Variants in MPP7 observed in about 807,000 individuals in gnomAD.
MPP7 encodes the protein MAGUK p55 scaffold protein 7, also known as MAGUK p55 subfamily member 7.
MPP7 carries 60 observed loss-of-function variants against 76.5 expected under a neutral mutation model. The observed-to-expected ratio is 0.78, with a 90% CI of 0.64 to 0.97. MPP7 has a LOEUF of 0.97. Among genes scored for constraint, MPP7 ranks in the 50% least tolerant of loss-of-function variants. The pLI, the probability that MPP7 is intolerant of heterozygous loss-of-function variation, is 0.00. For missense variants in MPP7, 641 were observed against 694.0 expected, an observed-to-expected ratio of 0.92 and a Z score of 0.86; for synonymous variants, 237 against 244.5, an observed-to-expected ratio of 0.97 and a Z score of 0.29.
chr10:28,272,137 CAT>C (rs796549114), intron 1 of MPP7, among the ~76,000 whole-genome samples: 9 of 152,208 alleles, frequency 5.9e-5, no homozygotes, highest in African/African-American at 1.9e-4. Flanking sequence ...CATTCTAGTC[CAT>C]ATAGTTTGAC....
At chr10:28,281,523 A>G (rs1260611799) in intron 1 of MPP7, among the ~76,000 whole-genome samples, 3 of 152,154 alleles carry the variant, frequency 2.0e-5, no homozygotes, top group African/African-American at 7.3e-5. Flanking sequence ...AGATTCTATG[A>G]GTAGGAAGAG....
rs182870224 is a variant in MPP7, at chr10:28,057,939, C to G, written c.1407+556G>C. 2.7e-4 allele frequency: 290 copies of G among 1,093,036 alleles called. No individual in the cohort carries two copies. The African/African-American group carries it at 4.4e-3, about 17-fold the overall frequency. 67.7% of individuals were successfully genotyped at this position (1,093,036 alleles called of 1,614,324 possible). A position where few individuals can be genotyped will look rare whatever the true frequency, so the allele number is the denominator to read the frequency against. ...TTGAATGGCCTCATCCACTGAAGTTCTCAGTTCAGAATGTTCATAATGGAG... is the reference window on the plus strand; with the variant it reads ...TTGAATGGCCTCATCCACTGAAGTTGTCAGTTCAGAATGTTCATAATGGAG... On this transcript the variant is annotated intron_variant, in intron 15 of 16. Coordinates refer to ENST00000683449, the MANE Select transcript of MPP7 (RefSeq NM_001318170.2).
intron 1 of MPP7, chr10:28,280,186 G>C (rs1264979906): frequency 1.3e-5 from 2 of 152,062 alleles, no homozygotes; most frequent in African/African-American, 4.8e-5. Context: ...ACCTGCTCTA[G>C]ATTTGTTTTA....
At chr10:28,255,403 C>G (rs536343587) in intron 1 of MPP7, among the ~76,000 whole-genome samples, 2 of 151,002 alleles carry the variant, frequency 1.3e-5, no homozygotes, top group African/African-American at 4.8e-5. Context: ...TGAGCCACCG[C>G]CTGGCCCACC....
At chr10:28,328,793 G>A (rs915046241) in intron 2 of MPP7, among the ~76,000 whole-genome samples, 5 of 151,976 alleles carry the variant, frequency 3.3e-5, no homozygotes, top group African/African-American at 9.7e-5. Flanking sequence ...TCTATTTGTC[G>A]AAATACCATG....
intron 7 of MPP7, 47 bp downstream of exon 7, chr10:28,124,963 A>G (rs1435393719): frequency 1.3e-6 from 2 of 1,506,928 alleles, no homozygotes; most frequent in East Asian, 4.5e-5. Flanking sequence ...AATGCTACAC[A>G]CGAAACACGT....
chr10:28,241,477 A>G (rs563323686), intron 1 of MPP7, among the ~76,000 whole-genome samples: 6 of 152,314 alleles, frequency 3.9e-5, no homozygotes, highest in African/African-American at 1.4e-4. Context: ...AATGAAGCAA[A>G]GTTGCTAGGT....
At chr10:28,249,127 GATA>G (rs1288879750) in intron 1 of MPP7, among the ~76,000 whole-genome samples, 3 of 151,550 alleles carry the variant, frequency 2.0e-5, no homozygotes, top group African/African-American at 7.3e-5. Context: ...TTTTAGCTAT[GATA>G]ATATTATATA....
Position 28,238,661 on chromosome 10 carries a change from C to T in MPP7, c.-57G>A. The stretch of plus-strand genomic sequence containing the variant: ...GCTCTCCGGACACCCTGCCTTCGGA[C>T]AGCCACAGGGAATTCCAATTCAACA... On this transcript the variant is annotated 5_prime_UTR_variant, in exon 2 of 17. Transcript: ENST00000683449. The T allele has an allele frequency of 1.9e-6, 3 of 1,586,172 alleles. No homozygotes were observed. Among genetic ancestry groups the T allele is most frequent in the Non-Finnish European group, 2.6e-6 (3 of 1,155,218 alleles).
At chr10:28,170,443 T>A (rs1185520806) in intron 3 of MPP7, among the ~76,000 whole-genome samples, 3 of 151,972 alleles carry the variant, frequency 2.0e-5, no homozygotes, top group Admixed American at 2.0e-4. Context: ...GTGCTAAGAT[T>A]ACAGGGGTGA....
At chr10:28,133,469 T>C (rs1366117903) in intron 5 of MPP7, among the ~76,000 whole-genome samples, 2 of 152,224 alleles carry the variant, frequency 1.3e-5, no homozygotes, top group Non-Finnish European at 2.9e-5. Flanking sequence ...CATAGCACCT[T>C]GTTCTTTGCC....
chr10:28,074,162 T>C (rs1042104238), intron 12 of MPP7, among the ~76,000 whole-genome samples: 2 of 152,176 alleles, frequency 1.3e-5, no homozygotes, highest in Non-Finnish European at 2.9e-5. Flanking sequence ...TTTAGTGTTG[T>C]TATCACCACC....
At chr10:28,176,198 G>A (rs1026673134) in intron 3 of MPP7, among the ~76,000 whole-genome samples, 8 of 152,080 alleles carry the variant, frequency 5.3e-5, no homozygotes, top group African/African-American at 1.9e-4. Flanking sequence ...AGGGTGCAGT[G>A]AGCTGAGATT....
chr10:28,068,859 G>A (rs1256913209), intron 13 of MPP7, among the ~76,000 whole-genome samples: 2 of 152,172 alleles, frequency 1.3e-5, no homozygotes, highest in Admixed American at 6.5e-5. Flanking sequence ...ATAATTTGAT[G>A]TCATATGTGT....
intron 1 of MPP7, among the ~76,000 whole-genome samples, chr10:28,282,980 A>C (rs1385536367): frequency 6.6e-6 from 1 of 151,992 alleles, no homozygotes; most frequent in Non-Finnish European, 1.5e-5. Flanking sequence ...TCAGTTGCGC[A>C]CAGTGGAAAG....
chr10:28,286,475 C>G (rs1015288159), intron 1 of MPP7, among the ~76,000 whole-genome samples: 2 of 152,170 alleles, frequency 1.3e-5, no homozygotes, highest in Admixed American at 1.3e-4. Context: ...AAAATGACAG[C>G]TTTAGGAGTA....
At position 28,193,878 on chromosome 10, in the gene MPP7, TTA is replaced by T. The variant is rs1491427880; in HGVS notation, c.156+8273_156+8274del. On this transcript the variant is annotated intron_variant, in intron 3 of 16. Transcript: ENST00000683449. ...TATACACCAACTAGAATGGCTAAAA[TTA>T]AAAAAAAAAAAAAAATGACCACACC... 4.4e-4 allele frequency among the ~76,000 whole-genome samples: 7 copies of T among 15,960 alleles called. No homozygotes were observed. In the East Asian group the frequency reaches 9.2e-3, roughly 21 times the overall value. 10.5% of individuals were successfully genotyped at this position (15,960 alleles called of 152,430 possible).
chr10:28,093,481 C>T (rs940824172), intron 11 of MPP7, among the ~76,000 whole-genome samples: 8 of 139,394 alleles, frequency 5.7e-5, no homozygotes, highest in Admixed American at 2.3e-4. Flanking sequence ...GGTCTCACTT[C>T]TGTGGCTCAG....
chr10:28,173,927 G>T (rs1836771450), intron 3 of MPP7, among the ~76,000 whole-genome samples: 1 of 152,154 alleles, frequency 6.6e-6, no homozygotes, highest in Non-Finnish European at 1.5e-5. Flanking sequence ...AATGCCAACA[G>T]ATTTTTCTGC....
Sources: gnomAD v4.1 joint callset for allele counts (sites outside exome capture counted in the v4.1 genomes callset) on GRCh38, gnomAD v4.1.1 for gene constraint, MANE v1.5 for transcripts, NCBI Gene and HGNC (gene_info 2026-07-23, HGNC 2026-07-21) for gene names.